The following ITGB4 variants were observed in gnomAD, a reference collection of about 807,000 sequenced individuals.
The protein encoded by ITGB4 is integrin beta-4.
In ITGB4, 159 loss-of-function variants were observed where a neutral mutation model predicts 207.6. The ratio of observed to expected loss-of-function variants is 0.77; its 90% CI spans 0.67 to 0.87. The LOEUF (loss-of-function observed/expected upper bound fraction) is 0.87. Ranked by LOEUF, ITGB4 falls within the 40% of genes least tolerant of loss-of-function variation. The pLI is 0.00. For missense variants in ITGB4, 2,278 were observed against 2,546.8 expected (o/e 0.89, Z 2.27); for synonymous variants, 1,020 against 1,062.7 (o/e 0.96, Z 0.78).
intron 16 of ITGB4, 104 bp from the exon 17 acceptor site, chr17:75,737,218 G>C: frequency 7.0e-7 from 1 of 1,421,786 alleles, no homozygotes; most frequent in Admixed American, 2.0e-5. Context: ...AGGCCCTGCC[G>C]TGGGTGAGGC....
In ITGB4 at chr17:75,732,485, G is replaced by A. The variant is rs1049382931; in HGVS notation, c.1454+246G>A. ...TGTGAGGATTGAGACGGGGTTGGCT[G>A]TTGGGGCTGGGGTCTGGATCTTGGG... On this transcript the variant is annotated intron_variant, in intron 12 of 39. Transcript: ENST00000200181. This position sits in a 1 kb window ranked among gnomAD's most constrained non-coding sequence, Gnocchi z 5.3. 6.6e-6 allele frequency among the ~76,000 whole-genome samples: 1 copy of A among 152,142 alleles called. No homozygotes were observed. Among genetic ancestry groups the A allele is most frequent in the Non-Finnish European group, 1.5e-5 (1 of 68,018 alleles).
intron 26 of ITGB4, among the ~76,000 whole-genome samples, chr17:75,746,929 CAAAAAA>C (rs56351330): frequency 1.4e-5 from 1 of 70,864 alleles, no homozygotes; most frequent in Non-Finnish European, 2.8e-5. Flanking sequence ...ACCCCTGTCT[CAAAAAA>C]AAAAAAAAAA....
chr17:75,748,723 C>T, intron 26 of ITGB4, 118 bp from the exon 27 acceptor site: 1 of 728,816 alleles, frequency 1.4e-6, no homozygotes, highest in Non-Finnish European at 2.3e-6. Context: ...TGTAAGTACT[C>T]CACCCAGCAA....
chr17:75,752,486 C>T lies in ITGB4; in HGVS notation c.4017C>T (p.Ser1339=), dbSNP rs770528292. ...ACATCCCTATCGTGGACGCCCAGAG[C>T]GGGGAGGACTACGACAGCTTCCTTA... ...IPDIPIVDAQ[S]GEDYDSFLMY... The change falls in exon 32 of 40, where the codon AGC becomes AGT. Residue 1339 remains serine, a synonymous_variant. Coordinates refer to ENST00000200181, the MANE Select transcript of ITGB4 (RefSeq NM_000213.5). The T allele has an allele frequency of 9.3e-6, 15 of 1,613,524 alleles. No individual in the cohort carries two copies. In the South Asian group the frequency reaches 1.1e-4, roughly 12 times the overall value.
Position 75,742,972 on chromosome 17 carries a change from G to A in ITGB4, c.2962+211G>A, listed in dbSNP as rs185302242. The stretch of plus-strand genomic sequence containing the variant: ...CCACAGTGCCTGCCTGGTGGTGAGC[G>A]CTCAGTAAATGGAAGCTTCTGTTGC... On this transcript the variant is annotated intron_variant, in intron 25 of 39. Coordinates refer to ENST00000200181, the MANE Select transcript of ITGB4 (RefSeq NM_000213.5). This position sits in a 1 kb window ranked among gnomAD's most constrained non-coding sequence, Gnocchi z 5.9. Among the ~76,000 whole-genome samples, 2 of 152,298 alleles carry A rather than the reference G, an allele frequency of 1.3e-5. No individual in the cohort carries two copies. Among genetic ancestry groups the A allele is most frequent in the East Asian group, 3.9e-4 (2 of 5,174 alleles).
intron 1 of ITGB4, among the ~76,000 whole-genome samples, chr17:75,723,228 CG>C (rs888831674): frequency 3.3e-5 from 5 of 152,162 alleles, no homozygotes; most frequent in Non-Finnish European, 7.3e-5. Flanking sequence ...ATCTGGGAAA[CG>C]GGCAGAATGA....
At chr17:75,754,858 C>G (rs768320516) in intron 34 of ITGB4, 43 bp downstream of exon 34, 3 of 1,613,472 alleles carry the variant, frequency 1.9e-6, no homozygotes, top group South Asian at 2.2e-5. Flanking sequence ...CTAACCCTTC[C>G]TCTCTTCCAG....
At chr17:75,737,184 C>T in intron 16 of ITGB4, 138 bp from the exon 17 acceptor site, 2 of 1,122,288 alleles carry the variant, frequency 1.8e-6, no homozygotes, top group South Asian at 1.5e-5. Flanking sequence ...CACGGCTTTG[C>T]AAGGACTTCC....
Position 75,740,277 on chromosome 17 carries a change from T to G in ITGB4, c.2447-81T>G, listed in dbSNP as rs1430993443. On this transcript the variant is annotated intron_variant, in intron 20 of 39. Coordinates refer to ENST00000200181, the MANE Select transcript of ITGB4 (RefSeq NM_000213.5). This position sits in a 1 kb window ranked among gnomAD's most constrained non-coding sequence, Gnocchi z 5.9. ...AGGCATCCCCTGATCCTAGCATGGT[T>G]GCTGGAGGGATGCTCTGTGGTGCCT... 7.4e-7 allele frequency: 1 copy of G among 1,359,210 alleles called. No homozygotes were observed. Among genetic ancestry groups the G allele is most frequent in the Non-Finnish European group, 1.0e-6 (1 of 967,854 alleles). The allele number at this position is 1,359,210 out of a possible 1,614,324, so 84.2% of individuals were successfully genotyped here. A position where few individuals can be genotyped will look rare whatever the true frequency, so the allele number is the denominator to read the frequency against.
intron 38 of ITGB4, 21 bp from the exon 39 acceptor site, chr17:75,757,179 T>C: frequency 6.2e-7 from 1 of 1,611,910 alleles, no homozygotes; most frequent in Non-Finnish European, 8.5e-7. Flanking sequence ...ACCCTCTGAC[T>C]GGCCTATCTG....
At chr17:75,745,644 C>G (rs955101604) in intron 26 of ITGB4, among the ~76,000 whole-genome samples, 1 of 152,006 alleles carries the variant, frequency 6.6e-6, no homozygotes, top group African/African-American at 2.4e-5. Context: ...TGTGGGAGGC[C>G]AAGGCAGGTG....
intron 2 of ITGB4, 98 bp downstream of exon 2, chr17:75,724,880 G>A (rs536865775): frequency 3.8e-5 from 39 of 1,035,350 alleles, no homozygotes; most frequent in South Asian, 5.2e-5. Flanking sequence ...ACCTAAACAC[G>A]CTTGGCCATT....
At chr17:75,733,715 A>G (rs1378253897) in intron 13 of ITGB4, 23 bp downstream of exon 13, 4 of 1,611,052 alleles carry the variant, frequency 2.5e-6, no homozygotes, top group South Asian at 2.2e-5. Flanking sequence ...ACTGCGGCCA[A>G]TGCTGATGGC....
In ITGB4 at chr17:75,740,888, G is replaced by A. The variant is rs777485906; in HGVS notation, c.2609+37G>A. The A allele has an allele frequency of 2.5e-6, 4 of 1,612,972 alleles. No homozygotes were observed. Among genetic ancestry groups the A allele is most frequent in the Admixed American group, 3.3e-5 (2 of 60,004 alleles). On this transcript the variant is annotated intron_variant, in intron 22 of 39. Transcript: ENST00000200181. This position sits in a 1 kb window ranked among gnomAD's most constrained non-coding sequence, Gnocchi z 5.9. ...GGTGCCCGGGTTGGGTGGGGGAGCC[G>A]CTCCTACCGGGACTCCAGGAGCCGA...
chr17:75,737,759 C>T, intron 18 of ITGB4, 115 bp downstream of exon 18: 1 of 880,458 alleles, frequency 1.1e-6, no homozygotes, highest in South Asian at 1.4e-5. Context: ...TCCCCAGGGT[C>T]CCCAACCCCT....
chr17:75,723,254 G>C (rs965943258), intron 1 of ITGB4, among the ~76,000 whole-genome samples: 3 of 152,118 alleles, frequency 2.0e-5, no homozygotes, highest in Admixed American at 2.0e-4. Context: ...ATCTCCCGCC[G>C]GGCTCCTGTG....
intron 32 of ITGB4, 32 bp from the exon 33 acceptor site, chr17:75,753,733 C>A: frequency 2.2e-6 from 3 of 1,353,168 alleles, no homozygotes; most frequent in South Asian, 3.8e-5. Flanking sequence ...CGCCCCCCGG[C>A]GGTGCCAACG....
chr17:75,745,613 G>A (rs371459683), intron 26 of ITGB4, among the ~76,000 whole-genome samples: 10 of 152,032 alleles, frequency 6.6e-5, no homozygotes, highest in African/African-American at 1.7e-4. Flanking sequence ...GCGAGGTGGC[G>A]TATGCCTGTA....
intron 26 of ITGB4, among the ~76,000 whole-genome samples, chr17:75,744,197 C>T (rs910750226): frequency 6.6e-6 from 1 of 150,960 alleles, no homozygotes; most frequent in Non-Finnish European, 1.5e-5. Flanking sequence ...CTCAGCTCAC[C>T]GCAACCTCCA....
Sources: gnomAD v4.1 joint callset for allele counts (sites outside exome capture counted in the v4.1 genomes callset) on GRCh38, gnomAD v4.1.1 for gene constraint, Gnocchi (gnomAD v3.1) non-coding constraint, MANE v1.5 for transcripts, NCBI Gene and HGNC (gene_info 2026-07-23, HGNC 2026-07-21) for gene names.